The following PPP3CA variants were observed in gnomAD, a reference collection of about 807,000 sequenced individuals.
The protein encoded by PPP3CA is protein phosphatase 3 catalytic subunit alpha.
A neutral mutation model predicts 66.5 loss-of-function variants in PPP3CA; 14 were observed. The observed-to-expected ratio is 0.21, with a 90% confidence interval of 0.14 to 0.33. The LOEUF is 0.33. Ranked by LOEUF, PPP3CA falls within the 10% of genes least tolerant of loss-of-function variation. The pLI is 1.00. For missense variants in PPP3CA, 317 were observed against 639.5 expected (o/e 0.50, Z 5.44); for synonymous variants, 232 against 226.2 (o/e 1.03, Z -0.23).
At chr4:101,202,397 T>C (rs1430526905) in intron 1 of PPP3CA, among the ~76,000 whole-genome samples, 1 of 152,210 alleles carries the variant, frequency 6.6e-6, no homozygotes, top group Non-Finnish European at 1.5e-5. Context: ...CTGAATTTTA[T>C]TTGGGTTCTA....
At chr4:101,114,040 CATTATTTGCTTCCT>C (rs1480421140) in intron 2 of PPP3CA, among the ~76,000 whole-genome samples, 1 of 152,116 alleles carries the variant, frequency 6.6e-6, no homozygotes, top group Non-Finnish European at 1.5e-5. Context: ...CCTGGCTTCC[CATTATTTGCTTCCT>C]ATTCCTAATT....
intron 8 of PPP3CA, among the ~76,000 whole-genome samples, chr4:101,064,880 G>C (rs887414405): frequency 6.6e-6 from 1 of 152,036 alleles, no homozygotes; most frequent in Non-Finnish European, 1.5e-5. Flanking sequence ...CTAACAATAT[G>C]TTGATGTTTT....
intron 2 of PPP3CA, among the ~76,000 whole-genome samples, chr4:101,186,516 G>T (rs2110180420): frequency 6.6e-6 from 1 of 152,086 alleles, no homozygotes; most frequent in Non-Finnish European, 1.5e-5. Flanking sequence ...GCCCACCCTT[G>T]CATATATTTG....
At chr4:101,040,669 T>A (rs79590745) in intron 10 of PPP3CA, 103 bp from the exon 11 acceptor site, 3 of 268,260 alleles carry the variant, frequency 1.1e-5, no homozygotes, top group East Asian at 1.1e-4. Flanking sequence ...AAAATCAGTA[T>A]TTTTTTTTTT....
At chr4:101,170,470 T>C (rs1723840837) in intron 2 of PPP3CA, among the ~76,000 whole-genome samples, 2 of 151,954 alleles carry the variant, frequency 1.3e-5, no homozygotes, top group Admixed American at 1.3e-4. Flanking sequence ...GCAATAAACA[T>C]TTTGCATGTT....
chr4:101,207,907 T>A (rs1578555154), intron 1 of PPP3CA, among the ~76,000 whole-genome samples: 1 of 151,946 alleles, frequency 6.6e-6, no homozygotes, highest in East Asian at 1.9e-4. Context: ...GCAAGCAGAA[T>A]AATGTTAATT....
intron 8 of PPP3CA, among the ~76,000 whole-genome samples, chr4:101,071,875 T>C (rs1348305426): frequency 6.6e-6 from 1 of 152,222 alleles, no homozygotes; most frequent in Non-Finnish European, 1.5e-5. Context: ...AGGTCATCTG[T>C]TGGCACAAAG....
chr4:101,315,401 A>G (rs1728854963), intron 1 of PPP3CA, among the ~76,000 whole-genome samples: 1 of 152,220 alleles, frequency 6.6e-6, no homozygotes, highest in Non-Finnish European at 1.5e-5. Context: ...CTGAGGCTCA[A>G]TAAGGTAAAA....
At chr4:101,079,166 A>T (rs1184456077) in intron 8 of PPP3CA, among the ~76,000 whole-genome samples, 1 of 152,170 alleles carries the variant, frequency 6.6e-6, no homozygotes, top group African/African-American at 2.4e-5. Context: ...GGTGCTTGGG[A>T]ATAAAGGTGG....
intron 1 of PPP3CA, among the ~76,000 whole-genome samples, chr4:101,202,019 T>C (rs1201098915): frequency 1.3e-5 from 2 of 152,146 alleles, no homozygotes; most frequent in Non-Finnish European, 2.9e-5. Flanking sequence ...TAATTATTAG[T>C]TTTTGCTTGA....
intron 1 of PPP3CA, among the ~76,000 whole-genome samples, chr4:101,319,069 TAATG>T (rs1393144217): frequency 2.0e-5 from 3 of 150,918 alleles, no homozygotes; most frequent in African/African-American, 7.3e-5. Flanking sequence ...AATGAGAACA[TAATG>T]AAGACAAATA....
At chr4:101,073,005 T>C (rs1032483879) in intron 8 of PPP3CA, among the ~76,000 whole-genome samples, 2 of 150,734 alleles carry the variant, frequency 1.3e-5, no homozygotes, top group African/African-American at 4.9e-5. Flanking sequence ...ATAATGACAA[T>C]GGTAAATGAA....
At chr4:101,093,732 T>C in intron 6 of PPP3CA, 44 bp downstream of exon 6, 2 of 1,515,210 alleles carry the variant, frequency 1.3e-6, no homozygotes, top group South Asian at 2.7e-5. Flanking sequence ...AATCCTAGCA[T>C]TATGATGCAA....
chr4:101,236,439 TGCTAG>T (rs1308614774), intron 1 of PPP3CA, among the ~76,000 whole-genome samples: 9 of 151,742 alleles, frequency 5.9e-5, no homozygotes, highest in African/African-American at 9.7e-5. Flanking sequence ...GTGGTTGGAG[TGCTAG>T]GCACCAAACT....
At chr4:101,075,825 T>C (rs968025641) in intron 8 of PPP3CA, among the ~76,000 whole-genome samples, 10 of 152,198 alleles carry the variant, frequency 6.6e-5, no homozygotes, top group Non-Finnish European at 1.5e-4. Flanking sequence ...TGTTGCTTTT[T>C]CCAAATACAT....
chr4:101,336,304 C>T (rs532992054), intron 1 of PPP3CA, among the ~76,000 whole-genome samples: 17 of 152,002 alleles, frequency 1.1e-4, no homozygotes, highest in Middle Eastern at 3.4e-3. Flanking sequence ...GCCGCAGTGG[C>T]TCACGCCTGT....
chr4:101,073,414 C>T (rs1729009977), intron 8 of PPP3CA, among the ~76,000 whole-genome samples: 3 of 151,762 alleles, frequency 2.0e-5, no homozygotes, highest in Non-Finnish European at 4.4e-5. Flanking sequence ...ATAGTTGGGA[C>T]TACAGGTGCG....
Position 101,025,676 on chromosome 4 carries a change from A to C in PPP3CA, c.*189T>G, listed in dbSNP as rs1222204742. On this transcript the variant is annotated 3_prime_UTR_variant, in exon 14 of 14. Coordinates refer to ENST00000394854, the MANE Select transcript of PPP3CA (RefSeq NM_000944.5). Reference sequence around the variant, plus strand: ...GGTGTTTAATCACCATCCCCACCAAAATATAGTTTATTATCTCTCTCCCTC... The same window carrying C: ...GGTGTTTAATCACCATCCCCACCAACATATAGTTTATTATCTCTCTCCCTC... 4.1e-6 allele frequency: 2 copies of C among 483,700 alleles called. No homozygotes were observed. The highest frequency in any genetic ancestry group is 3.5e-6 in the Non-Finnish European group (1 of 283,092). 30.0% of individuals were successfully genotyped at this position (483,700 alleles called of 1,614,324 possible). A position where few individuals can be genotyped will look rare whatever the true frequency, so the allele number is the denominator to read the frequency against.
At chr4:101,084,564 A>C (rs901709014) in intron 6 of PPP3CA, among the ~76,000 whole-genome samples, 9 of 151,354 alleles carry the variant, frequency 5.9e-5, no homozygotes, top group Non-Finnish European at 7.4e-5. Flanking sequence ...AATCGCTTGA[A>C]CCCAGGAGGT....
Sources: gnomAD v4.1 joint callset for allele counts (sites outside exome capture counted in the v4.1 genomes callset) on GRCh38, gnomAD v4.1.1 for gene constraint, MANE v1.5 for transcripts, NCBI Gene and HGNC (gene_info 2026-07-23, HGNC 2026-07-21) for gene names.